The following USH2A variants were observed in gnomAD, a reference collection of about 807,000 sequenced individuals.
USH2A encodes the protein usherin.
USH2A carries 443 observed loss-of-function variants against 538.9 expected under a neutral mutation model. The observed-to-expected ratio is 0.82, with a 90% CI of 0.76 to 0.89. The LOEUF (loss-of-function observed/expected upper bound fraction) is 0.89. USH2A is among the 40% of genes least tolerant of loss of function. The pLI is 0.00. For missense variants in USH2A, 6,633 were observed against 6,324.8 expected (o/e 1.05, Z -1.65); for synonymous variants, 2,413 against 2,273.5 (o/e 1.06, Z -1.75).
intron 61 of USH2A, among the ~76,000 whole-genome samples, chr1:215,685,537 A>G (rs959158071): frequency 2.0e-5 from 3 of 151,798 alleles, no homozygotes; most frequent in Admixed American, 6.6e-5. Flanking sequence ...TTTGTATTTT[A>G]AGTAGAGACG....
At chr1:216,179,038 C>T (rs2034442402) in intron 20 of USH2A, among the ~76,000 whole-genome samples, 2 of 151,978 alleles carry the variant, frequency 1.3e-5, no homozygotes, top group South Asian at 2.1e-4. Flanking sequence ...AATTTCATTG[C>T]TGTTTGAAAG....
At chr1:215,822,568 C>T (rs1242526847) in intron 47 of USH2A, among the ~76,000 whole-genome samples, 1 of 151,906 alleles carries the variant, frequency 6.6e-6, no homozygotes, top group African/African-American at 2.4e-5. Flanking sequence ...CATCTGTTAA[C>T]AAGGCTAATT....
intron 32 of USH2A, among the ~76,000 whole-genome samples, chr1:216,044,731 C>T (rs2030436041): frequency 6.6e-6 from 1 of 152,088 alleles, no homozygotes; most frequent in Admixed American, 6.6e-5. Flanking sequence ...TTCAACACAG[C>T]CGGAATGCTT....
intron 3 of USH2A, among the ~76,000 whole-genome samples, chr1:216,416,633 C>G (rs922509976): frequency 6.6e-6 from 1 of 152,034 alleles, no homozygotes; most frequent in Non-Finnish European, 1.5e-5. Context: ...TCATATTTGA[C>G]ATGTATTGAA....
chr1:215,709,076 G>A (rs1659263203), intron 61 of USH2A, among the ~76,000 whole-genome samples: 1 of 152,054 alleles, frequency 6.6e-6, no homozygotes, highest in African/African-American at 2.4e-5. Flanking sequence ...CACAGCATGA[G>A]GTATAAACAT....
chr1:216,064,128 C>A (rs1215271608), intron 30 of USH2A, among the ~76,000 whole-genome samples: 1 of 152,198 alleles, frequency 6.6e-6, no homozygotes, highest in Non-Finnish European at 1.5e-5. Context: ...CCCTGTCATA[C>A]TGAATTGTTT....
At chr1:216,361,875 A>T (rs899543047) in intron 4 of USH2A, among the ~76,000 whole-genome samples, 1 of 152,196 alleles carries the variant, frequency 6.6e-6, no homozygotes, top group Non-Finnish European at 1.5e-5. Flanking sequence ...AAAGAACACA[A>T]AAGAGTACCT....
chr1:216,000,006 AT>A (rs1412740540), intron 33 of USH2A, among the ~76,000 whole-genome samples: 1 of 152,132 alleles, frequency 6.6e-6, no homozygotes, highest in Non-Finnish European at 1.5e-5. Context: ...ACATGCCTAT[AT>A]GTGAAACTTC....
chr1:216,150,856 A>G (rs1350442208), intron 21 of USH2A, among the ~76,000 whole-genome samples: 3 of 151,934 alleles, frequency 2.0e-5, no homozygotes, highest in South Asian at 4.2e-4. Flanking sequence ...ATGTTCCTTT[A>G]CTCTTCATCT....
intron 21 of USH2A, among the ~76,000 whole-genome samples, chr1:216,136,858 T>C (rs774754949): frequency 2.6e-5 from 4 of 152,116 alleles, no homozygotes; most frequent in Admixed American, 2.0e-4. Flanking sequence ...GGGTGAACCA[T>C]GGAACAGATT....
At position 215,628,806 on chromosome 1, in the gene USH2A, C is replaced by T. The variant is rs1323809377; in HGVS notation, c.15519+8G>A. On this transcript the variant is annotated splice_region_variant and intron_variant, in intron 71 of 71. Transcript: ENST00000307340. ...TAGCAAAGGCCCTGTATGAGGAAAC[C>T]AACTCACCAGTCCACTGTTGTGGCC... 1.9e-6 allele frequency: 3 copies of T among 1,613,836 alleles called. No individual in the cohort carries two copies. The Admixed American group carries it at 5.0e-5, about 27-fold the overall frequency.
intron 38 of USH2A, among the ~76,000 whole-genome samples, chr1:215,916,267 T>C (rs1359990197): frequency 2.0e-5 from 3 of 151,988 alleles, no homozygotes; most frequent in Non-Finnish European, 2.9e-5. Context: ...AAATGATATT[T>C]CTCAAGGTTG....
intron 61 of USH2A, among the ~76,000 whole-genome samples, chr1:215,701,996 T>G (rs1224612629): frequency 6.6e-6 from 1 of 152,226 alleles, no homozygotes; most frequent in African/African-American, 2.4e-5. Context: ...TCAGAAGCTC[T>G]TGTAATGCAG....
intron 3 of USH2A, among the ~76,000 whole-genome samples, chr1:216,366,921 T>C (rs1246174340): frequency 6.6e-6 from 1 of 152,174 alleles, no homozygotes; most frequent in Non-Finnish European, 1.5e-5. Context: ...ACTGTTATCA[T>C]TATAAAAGAT....
At chr1:215,633,634 T>C (rs956202653) in intron 70 of USH2A, among the ~76,000 whole-genome samples, 2 of 152,114 alleles carry the variant, frequency 1.3e-5, no homozygotes, top group East Asian at 3.9e-4. Context: ...CTAGCTAATA[T>C]AGAACCTTAG....
rs116108501 is a variant in USH2A, at chr1:215,792,354, A to G, written c.9959-2072T>C. ...TTTTCAGCCAAGATTTCACTCACATAACAAGAAGTGACTCCCTTTTTAGAT... is the reference window on the plus strand; with the variant it reads ...TTTTCAGCCAAGATTTCACTCACATGACAAGAAGTGACTCCCTTTTTAGAT... On this transcript the variant is annotated intron_variant, in intron 50 of 71. Transcript: ENST00000307340. Among the ~76,000 whole-genome samples the G allele has an allele frequency of 8.8e-3, 1,333 of 152,310 alleles. 17 individuals carry two copies. Among genetic ancestry groups the G allele is most frequent in the African/African-American group, 0.029 (1,224 of 41,562 alleles).
chr1:216,121,959 C>T (rs552705977), intron 21 of USH2A, among the ~76,000 whole-genome samples: 14 of 152,230 alleles, frequency 9.2e-5, no homozygotes, highest in African/African-American at 3.4e-4. Flanking sequence ...TAAATCCATT[C>T]CAGTGAGGCT....
chr1:215,674,699 C>G lies in USH2A; in HGVS notation c.13212G>C (p.Leu4404=), dbSNP rs2102665644. Residue 4404 remains leucine (L), a synonymous_variant, in exon 63 of 72, where the codon CTG becomes CTC. Coordinates refer to ENST00000307340, the MANE Select transcript of USH2A (RefSeq NM_206933.4). ...GCTGCAGGTGGGAAACCAGCAGGCA[C>G]AGGCCCTGGCCAGCAAGGGACTCTT... ...DNKESLAGQG[L]CLLVSHLQPY... 2 of 1,614,098 alleles carry G rather than the reference C, an allele frequency of 1.2e-6. No homozygotes were observed. The highest frequency in any genetic ancestry group is 1.7e-6 in the Non-Finnish European group (2 of 1,180,008).
intron 16 of USH2A, among the ~76,000 whole-genome samples, chr1:216,204,912 G>A (rs2035079122): frequency 6.6e-6 from 1 of 152,118 alleles, no homozygotes; most frequent in African/African-American, 2.4e-5. Flanking sequence ...GAAAAATATG[G>A]TTTTAGGAAA....
Sources: allele counts gnomAD v4.1 joint callset (sites outside exome capture counted in the v4.1 genomes callset), GRCh38; gene constraint gnomAD v4.1.1; transcripts MANE v1.5; gene names NCBI Gene and HGNC (gene_info 2026-07-23, HGNC 2026-07-21).